ATP11A: variants seen among roughly 807,000 people sequenced by gnomAD.
The protein encoded by ATP11A is phospholipid-transporting ATPase IH.
ATP11A carries 81 observed loss-of-function variants against 154.4 expected under a neutral mutation model. The observed-to-expected ratio is 0.52, with a 90% confidence interval of 0.44 to 0.63. The LOEUF is 0.63. Ranked by LOEUF, ATP11A falls within the 30% of genes least tolerant of loss-of-function variation. ATP11A has a pLI of 0.00. For missense variants in ATP11A, 1,316 were observed against 1,474.3 expected (o/e 0.89, Z 1.76); for synonymous variants, 623 against 585.9 (o/e 1.06, Z -0.91).
At position 112,875,797 on chromosome 13, in the gene ATP11A, G is replaced by T; in HGVS notation, c.3183G>T (p.Arg1061Ser). Residue 1061 changes from arginine (R) to serine (S), a missense_variant, in exon 28 of 30, where the codon AGG becomes AGT. Coordinates refer to ENST00000375645, the MANE Select transcript of ATP11A (RefSeq NM_015205.3). This position sits in a 1 kb window ranked among gnomAD's most constrained non-coding sequence, Gnocchi z 4.1. ...GVIWPFLNYQ[R>S]MYYVFIQMLS... ...TCAGGCCGTTCCTCAACTACCAGAG[G>T]ATGTACTACGTGTTCATCCAGATGC... 2.5e-6 allele frequency: 4 copies of T among 1,613,884 alleles called. No individual in the cohort carries two copies. The highest frequency in any genetic ancestry group is 3.4e-6 in the Non-Finnish European group (4 of 1,179,974).
rs866380619 is a variant in ATP11A at position 112,845,730 on chromosome 13, A to G, written c.1809+3351A>G. Among the ~76,000 whole-genome samples, 74 of 66,800 alleles carry G rather than the reference A, an allele frequency of 1.1e-3. 3 individuals are homozygous for G. The highest frequency in any genetic ancestry group is 5.7e-3 in the African/African-American group (55 of 9,684). The allele number at this position is 66,800 out of a possible 152,430, so 43.8% of individuals were successfully genotyped here. ...ACTAGCGGTACTAACCAGTCCAGTT[A>G]CCAGGCACTAGCGGTACTAACCAGT... On this transcript the variant is annotated intron_variant, in intron 17 of 29. Transcript: ENST00000375645.
intron 2 of ATP11A, among the ~76,000 whole-genome samples, chr13:112,793,651 G>T (rs962139856): frequency 8.5e-5 from 13 of 152,248 alleles, no homozygotes; most frequent in Non-Finnish European, 1.8e-4. Flanking sequence ...GTGGCTGCTT[G>T]TCCCAAGCAG....
chr13:112,858,025 C>G (rs1463967036), intron 21 of ATP11A, 105 bp downstream of exon 21: 2 of 1,557,898 alleles, frequency 1.3e-6, no homozygotes, highest in Non-Finnish European at 1.8e-6. Context: ...CCCCCGTCAC[C>G]ACCCTCGTGT....
At chr13:112,797,213 G>A (rs2078022346) in intron 2 of ATP11A, among the ~76,000 whole-genome samples, 1 of 146,058 alleles carries the variant, frequency 6.8e-6, no homozygotes, top group South Asian at 2.1e-4. Context: ...AAGCTGGGAG[G>A]CAGAGGTTGC....
At position 112,712,839 on chromosome 13, in the gene ATP11A, C is replaced by T. The variant is rs138453144; in HGVS notation, c.39+22384C>T. Among the ~76,000 whole-genome samples, 662 of 152,274 alleles carry T rather than the reference C, an allele frequency of 4.3e-3. 7 individuals are homozygous for T. The highest frequency in any genetic ancestry group is 0.015 in the African/African-American group (629 of 41,558). On this transcript the variant is annotated intron_variant, in intron 1 of 29. Coordinates refer to ENST00000375645, the MANE Select transcript of ATP11A (RefSeq NM_015205.3). ...TTTGGGACTCGGGGTTCAGTGCAGG[C>T]CAGGGGAGGTTGTGTCTCTGGTGTT...
chr13:112,695,836 A>G (rs992927794), intron 1 of ATP11A, among the ~76,000 whole-genome samples: 9 of 152,236 alleles, frequency 5.9e-5, no homozygotes, highest in Non-Finnish European at 8.8e-5. Context: ...AGACTTATCA[A>G]TGTTTTTTTA....
intron 4 of ATP11A, among the ~76,000 whole-genome samples, chr13:112,809,769 G>A (rs1028059327): frequency 6.6e-6 from 1 of 152,156 alleles, no homozygotes; most frequent in South Asian, 2.1e-4. Context: ...ACCCAGCAAC[G>A]CCAAACACAA....
rs563534664 is a variant in ATP11A, at chr13:112,698,704, TTTTATTTATTTATC to T, written c.39+8263_39+8276del. Among the ~76,000 whole-genome samples the T allele has an allele frequency of 6.4e-4, 96 of 149,008 alleles. No individual in the cohort carries two copies. In the East Asian group the frequency reaches 0.019, roughly 30 times the overall value. On this transcript the variant is annotated intron_variant, in intron 1 of 29. Transcript: ENST00000375645. ...CATTAGTTGCCTCTTTAAACCAATC[TTTTATTTATTTATC>T]TTTATTTATTTATTTTTGAGACAAG...
At chr13:112,782,887 T>TA (rs1405378605) in intron 1 of ATP11A, among the ~76,000 whole-genome samples, 1 of 152,212 alleles carries the variant, frequency 6.6e-6, no homozygotes, top group East Asian at 1.9e-4. Flanking sequence ...CCTGGCCTGG[T>TA]GGCTGCCTTG....
At chr13:112,847,749 AT>A in intron 17 of ATP11A, among the ~76,000 whole-genome samples, 1 of 152,164 alleles carries the variant, frequency 6.6e-6, no homozygotes, top group Non-Finnish European at 1.5e-5. Context: ...ACCTCTTGAG[AT>A]TTAATAGGAA....
At chr13:112,832,474 AG>A (rs1481201931) in intron 13 of ATP11A, among the ~76,000 whole-genome samples, 2 of 152,202 alleles carry the variant, frequency 1.3e-5, no homozygotes, top group Admixed American at 6.5e-5. Flanking sequence ...CACAGGCACC[AG>A]GGCAGAGGCA....
In ATP11A at chr13:112,833,916, G is replaced by A. The variant is rs529110012; in HGVS notation, c.1560-673G>A. ...CTGCCCTGAAGCTTTTCCTCCAGCC[G>A]CTGCTCCCACCTGGGCTGGCCAGAG... On this transcript the variant is annotated intron_variant, in intron 14 of 29. Transcript: ENST00000375645. Among the ~76,000 whole-genome samples the A allele has an allele frequency of 3.9e-5, 6 of 152,276 alleles. No individual in the cohort carries two copies. The East Asian group carries it at 7.7e-4, about 20-fold the overall frequency.
intron 25 of ATP11A, among the ~76,000 whole-genome samples, chr13:112,863,710 C>T (rs1255054352): frequency 7.2e-5 from 9 of 125,682 alleles, no homozygotes; most frequent in East Asian, 2.5e-4. Context: ...GCGCAGCTTC[C>T]CAGCGGGGTC....
intron 25 of ATP11A, among the ~76,000 whole-genome samples, chr13:112,863,474 G>A (rs2080193583): frequency 6.7e-6 from 1 of 149,520 alleles, no homozygotes; most frequent in Non-Finnish European, 1.5e-5. Flanking sequence ...CAGTAATTCA[G>A]TGCAGCCCAT....
At chr13:112,774,885 T>C (rs1271230649) in intron 1 of ATP11A, among the ~76,000 whole-genome samples, 3 of 152,208 alleles carry the variant, frequency 2.0e-5, no homozygotes, top group Non-Finnish European at 4.4e-5. Context: ...AAGAGCGTCG[T>C]TGGCGTGCGA....
intron 13 of ATP11A, among the ~76,000 whole-genome samples, chr13:112,832,102 G>C (rs999752708): frequency 7.2e-5 from 11 of 151,742 alleles, no homozygotes; most frequent in African/African-American, 2.7e-4. Context: ...CACACGCCCA[G>C]TTACCGTGTG....
At chr13:112,722,591 G>T (rs1889325030) in intron 1 of ATP11A, among the ~76,000 whole-genome samples, 1 of 152,208 alleles carries the variant, frequency 6.6e-6, no homozygotes. Context: ...GTCCCATCAG[G>T]GCCGGAAGCA....
In ATP11A at chr13:112,875,852, G is replaced by A. The variant is rs777726011; in HGVS notation, c.3238G>A (p.Val1080Met). ...LSSGPAWLAI[V>M]LLVTISLLPD... ...CAGCGGGCCCGCCTGGCTGGCCATCGTGCTGCTGGTGACCATCAGCCTCCT... is the reference window on the plus strand; with the variant it reads ...CAGCGGGCCCGCCTGGCTGGCCATCATGCTGCTGGTGACCATCAGCCTCCT... The change falls in exon 28 of 30, where the codon GTG becomes ATG. Residue 1080 changes from valine (V) to methionine (M), a missense_variant. Coordinates refer to ENST00000375645, the MANE Select transcript of ATP11A (RefSeq NM_015205.3). This position sits in a 1 kb window ranked among gnomAD's most constrained non-coding sequence, Gnocchi z 4.1. 23 of 1,613,778 alleles carry A rather than the reference G, an allele frequency of 1.4e-5. No homozygotes were observed. The highest frequency in any genetic ancestry group is 1.9e-5 in the Non-Finnish European group (23 of 1,180,038).
chr13:112,857,985 C>A (rs1285585962), intron 21 of ATP11A, 65 bp downstream of exon 21: 2 of 1,584,534 alleles, frequency 1.3e-6, no homozygotes, highest in Non-Finnish European at 1.7e-6. Context: ...AGACAAAGGC[C>A]CATGGCAGCA....
Sources: allele counts gnomAD v4.1 joint callset (sites outside exome capture counted in the v4.1 genomes callset), GRCh38; gene constraint gnomAD v4.1.1; non-coding constraint Gnocchi (gnomAD v3.1); transcripts MANE v1.5; gene names NCBI Gene and HGNC (gene_info 2026-07-23, HGNC 2026-07-21).